The following PDSS2 variants were observed in gnomAD, a reference collection of about 807,000 sequenced individuals.
The protein encoded by PDSS2 is decaprenyl diphosphate synthase subunit 2, also known as all trans-polyprenyl-diphosphate synthase PDSS2.
A neutral mutation model predicts 44.5 loss-of-function variants in PDSS2; 31 were observed. The ratio of observed to expected loss-of-function variants is 0.70; its 90% confidence interval spans 0.52 to 0.94. The LOEUF (loss-of-function observed/expected upper bound fraction) is 0.94, where lower values mean the gene tolerates loss of function less well. Ranked by LOEUF, PDSS2 falls within the 40% of genes least tolerant of loss-of-function variation. The pLI, the probability that PDSS2 is intolerant of heterozygous loss-of-function variation, is 0.00. For synonymous variants in PDSS2, 157 were observed against 180.3 expected, an observed-to-expected ratio of 0.87 and a Z score of 1.03; for missense variants, 452 against 482.2, an observed-to-expected ratio of 0.94 and a Z score of 0.59.
chr6:107,458,925 A>G (rs1782147403), intron 1 of PDSS2, 65 bp downstream of exon 1: 1 of 1,459,548 alleles, frequency 6.9e-7, no homozygotes, highest in African/African-American at 1.4e-5. Flanking sequence ...TAGAATGCGT[A>G]TGCCCGCCAG....
At chr6:107,429,901 A>AAAAAAAAAAAAT (rs1166637352) in intron 1 of PDSS2, among the ~76,000 whole-genome samples, 5 of 31,858 alleles carry the variant, frequency 1.6e-4, no homozygotes, top group Non-Finnish European at 2.1e-4. Context: ...AAAAAAAAAA[A>AAAAAAAAAAAAT]ATATATATAT....
At position 107,459,497 on chromosome 6, in the gene PDSS2, C is replaced by A; in HGVS notation, c.-212G>T. On this transcript the variant is annotated 5_prime_UTR_variant, in exon 1 of 8. Transcript: ENST00000369037. The surrounding 1 kb of genome is among the most constrained non-coding windows in gnomAD (Gnocchi z 4.3). The stretch of plus-strand genomic sequence containing the variant: ...GGCAAACAACAGTCCCAGCTCAGCA[C>A]TGCCCCCGGCCACCCGGGGTAGAAA... 1 of 588,244 alleles carries A rather than the reference C, an allele frequency of 1.7e-6. No homozygotes were observed. Among genetic ancestry groups the A allele is most frequent in the Non-Finnish European group, 3.0e-6 (1 of 330,972 alleles). 36.4% of individuals were successfully genotyped at this position (588,244 alleles called of 1,614,324 possible). A position where few individuals can be genotyped will look rare whatever the true frequency, so the allele number is the denominator to read the frequency against.
rs138339371 is a variant in PDSS2 at position 107,177,761 on chromosome 6, T to C, written c.1041+16061A>G. 3.4e-3 allele frequency among the ~76,000 whole-genome samples: 511 copies of C among 152,280 alleles called. 1 individual carries two copies. The highest frequency in any genetic ancestry group is 0.012 in the African/African-American group (485 of 41,572). On this transcript the variant is annotated intron_variant, in intron 7 of 7. Transcript: ENST00000369037. The stretch of plus-strand genomic sequence containing the variant: ...GAAATTCAACAAGCAAAACATGTCA[T>C]AGGCTGTAGACTGCAGCAATGAGCC...
chr6:107,276,751 C>T (rs1409781717), intron 2 of PDSS2, among the ~76,000 whole-genome samples: 6 of 152,162 alleles, frequency 3.9e-5, no homozygotes, highest in African/African-American at 1.2e-4. Flanking sequence ...AATGGGACAT[C>T]GGCAAATGAG....
At chr6:107,282,744 C>T (rs995032680) in intron 2 of PDSS2, among the ~76,000 whole-genome samples, 10 of 151,366 alleles carry the variant, frequency 6.6e-5, no homozygotes, top group Admixed American at 6.6e-5. Flanking sequence ...TGGCAGGTGC[C>T]TGTAGTCCCA....
At chr6:107,193,427 C>T (rs540004584) in intron 7 of PDSS2, among the ~76,000 whole-genome samples, 1 of 152,340 alleles carries the variant, frequency 6.6e-6, no homozygotes, top group South Asian at 2.1e-4. Context: ...TGTCTTCCAT[C>T]CACACCCCAT....
intron 2 of PDSS2, among the ~76,000 whole-genome samples, chr6:107,321,600 G>A (rs1393053405): frequency 6.6e-6 from 1 of 152,172 alleles, no homozygotes; most frequent in Non-Finnish European, 1.5e-5. Flanking sequence ...CCAGTGCTCA[G>A]TGCTCCCCTT....
At chr6:107,226,123 A>T (rs1582813610) in intron 4 of PDSS2, among the ~76,000 whole-genome samples, 1 of 152,278 alleles carries the variant, frequency 6.6e-6, no homozygotes, top group East Asian at 1.9e-4. Context: ...CCTGGCTAAC[A>T]CAATGAAACC....
At chr6:107,423,426 T>C (rs1303172999) in intron 1 of PDSS2, among the ~76,000 whole-genome samples, 3 of 152,218 alleles carry the variant, frequency 2.0e-5, no homozygotes, top group Non-Finnish European at 4.4e-5. Context: ...TGGTAACTTG[T>C]ATCAATATCA....
intron 3 of PDSS2, among the ~76,000 whole-genome samples, chr6:107,262,281 C>T (rs191987050): frequency 1.3e-5 from 2 of 152,076 alleles, no homozygotes; most frequent in African/African-American, 2.4e-5. Flanking sequence ...TTTCACCTCA[C>T]GTAATCTCTA....
chr6:107,424,093 T>A (rs319094), intron 1 of PDSS2, among the ~76,000 whole-genome samples: 125,475 of 145,118 alleles, frequency 0.86, 54,859 homozygotes, highest in African/African-American at 0.96. Flanking sequence ...CCAGGCTGGA[T>A]TGCAGTGGTG....
chr6:107,170,463 C>T (rs552849906), intron 7 of PDSS2, among the ~76,000 whole-genome samples: 20 of 152,274 alleles, frequency 1.3e-4, no homozygotes, highest in East Asian at 9.7e-4. Context: ...AGCTCACGCT[C>T]GGTGCACTGC....
intron 6 of PDSS2, among the ~76,000 whole-genome samples, chr6:107,207,708 C>T (rs974480931): frequency 7.0e-6 from 1 of 141,986 alleles, no homozygotes; most frequent in Non-Finnish European, 1.5e-5. Context: ...CTCCAGTGTT[C>T]AAGTGATTCT....
chr6:107,285,371 G>A (rs1016909645), intron 2 of PDSS2, among the ~76,000 whole-genome samples: 8 of 152,108 alleles, frequency 5.3e-5, no homozygotes, highest in African/African-American at 7.2e-5. Context: ...ATGGCTGGGC[G>A]TGGAGGCTCA....
At chr6:107,406,383 G>C (rs1277337966) in intron 1 of PDSS2, among the ~76,000 whole-genome samples, 1 of 152,168 alleles carries the variant, frequency 6.6e-6, no homozygotes, top group Admixed American at 6.5e-5. Context: ...TACCTGAGTG[G>C]TAAGGAATTA....
intron 2 of PDSS2, among the ~76,000 whole-genome samples, chr6:107,317,319 C>A: frequency 6.6e-6 from 1 of 151,912 alleles, no homozygotes; most frequent in African/African-American, 2.4e-5. Context: ...AAAGCACAAC[C>A]AGATGTGGAG....
rs1772919035 is a variant in PDSS2 at position 107,204,869 on chromosome 6, C to A, written c.1008+5570G>T. 2.6e-5 allele frequency among the ~76,000 whole-genome samples: 4 copies of A among 152,142 alleles called. No homozygotes were observed. In the South Asian group the frequency reaches 8.3e-4, roughly 32 times the overall value. ...CTCCTGTAGTCAAGCACTTTGTTTC[C>A]TTAAGTGCAACAGAAAGCCTTAAGA... On this transcript the variant is annotated intron_variant, in intron 6 of 7. Transcript: ENST00000369037.
chr6:107,322,830 A>G (rs187008552), intron 2 of PDSS2, among the ~76,000 whole-genome samples: 39 of 152,324 alleles, frequency 2.6e-4, no homozygotes, highest in African/African-American at 9.4e-4. Flanking sequence ...CTCAAAAAAC[A>G]AAAAACAAAA....
At chr6:107,200,381 C>G (rs1772728029) in intron 6 of PDSS2, among the ~76,000 whole-genome samples, 1 of 152,174 alleles carries the variant, frequency 6.6e-6, no homozygotes, top group Non-Finnish European at 1.5e-5. Context: ...ATGCTGGGCT[C>G]TCACAAATGC....
Sources: gnomAD v4.1 joint callset for allele counts (sites outside exome capture counted in the v4.1 genomes callset) on GRCh38, gnomAD v4.1.1 for gene constraint, Gnocchi (gnomAD v3.1) non-coding constraint, MANE v1.5 for transcripts, NCBI Gene and HGNC (gene_info 2026-07-23, HGNC 2026-07-21) for gene names.